TBC1D19: variants seen among roughly 807,000 people sequenced by gnomAD.
The protein encoded by TBC1D19 is TBC1 domain family, member 19.
In TBC1D19, 60 loss-of-function variants were observed where a neutral mutation model predicts 89.0. The ratio of observed to expected loss-of-function variants is 0.67; its 90% CI spans 0.55 to 0.84. The LOEUF (loss-of-function observed/expected upper bound fraction) is 0.84. Among genes scored for constraint, TBC1D19 ranks in the 40% least tolerant of loss-of-function variants. TBC1D19 has a pLI of 0.00. For synonymous variants in TBC1D19, 189 were observed against 199.7 expected (o/e 0.95, Z 0.45); for missense variants, 500 against 610.8 (o/e 0.82, Z 1.91).
At position 26,661,288 on chromosome 4, in the gene TBC1D19, C is replaced by T. The variant is rs1745209064; in HGVS notation, c.591+1581C>T. On this transcript the variant is annotated intron_variant, in intron 8 of 20. Transcript: ENST00000264866. ...AGTCTGCTGAATGGTGAGATTAATA[C>T]TCTCATTCTTAACACCACTACCCTA... Among the ~76,000 whole-genome samples, 4 of 152,116 alleles carry T rather than the reference C, an allele frequency of 2.6e-5. No homozygotes were observed. The South Asian group carries it at 8.3e-4, about 32-fold the overall frequency.
intron 15 of TBC1D19, among the ~76,000 whole-genome samples, chr4:26,721,514 T>C (rs926855035): frequency 2.0e-5 from 3 of 152,136 alleles, no homozygotes; most frequent in Non-Finnish European, 4.4e-5. Flanking sequence ...AGCTTGTTAA[T>C]TGCAACAACC....
At chr4:26,719,183 C>T (rs536287987) in intron 14 of TBC1D19, among the ~76,000 whole-genome samples, 248 of 152,128 alleles carry the variant, frequency 1.6e-3, no homozygotes, top group African/African-American at 5.8e-3. Flanking sequence ...TATATGTTTG[C>T]CTCTCAGCAT....
At chr4:26,816,754 A>C in the TBC1D19 span, among the ~76,000 whole-genome samples, 1 of 152,192 alleles carries the variant, frequency 6.6e-6, no homozygotes, top group Non-Finnish European at 1.5e-5. Flanking sequence ...CAAAAACCAC[A>C]ATTACTTTTG....
the TBC1D19 span, among the ~76,000 whole-genome samples, chr4:26,818,505 C>T: frequency 2.0e-5 from 3 of 152,204 alleles, no homozygotes; most frequent in Non-Finnish European, 4.4e-5. Flanking sequence ...GTCCGCCTGC[C>T]TTGGCCTCCC....
the TBC1D19 span, among the ~76,000 whole-genome samples, chr4:26,841,193 A>G: frequency 6.6e-6 from 1 of 152,182 alleles, no homozygotes; most frequent in Non-Finnish European, 1.5e-5. Flanking sequence ...CCTGGCCAAC[A>G]TGGAGAAACC....
At chr4:26,772,493 A>G in the TBC1D19 span, among the ~76,000 whole-genome samples, 9 of 151,932 alleles carry the variant, frequency 5.9e-5, no homozygotes, top group South Asian at 2.1e-4. Flanking sequence ...TCAGGGGTAC[A>G]TGTGCAGGAT....
chr4:26,835,427 TAA>T, the TBC1D19 span, among the ~76,000 whole-genome samples: 8 of 152,334 alleles, frequency 5.3e-5, no homozygotes, highest in South Asian at 1.7e-3. Flanking sequence ...GTTAAGTCAC[TAA>T]GTTTGTGATA....
intron 8 of TBC1D19, among the ~76,000 whole-genome samples, chr4:26,663,626 A>G (rs1711531693): frequency 6.6e-6 from 1 of 152,246 alleles, no homozygotes; most frequent in Non-Finnish European, 1.5e-5. Flanking sequence ...TTGGAGAACC[A>G]AAAGCTTGTA....
chr4:26,781,570 C>A, the TBC1D19 span, among the ~76,000 whole-genome samples: 1 of 152,136 alleles, frequency 6.6e-6, no homozygotes, highest in Non-Finnish European at 1.5e-5. Flanking sequence ...GATGTTAATA[C>A]CTTTTTAATT....
the TBC1D19 span, among the ~76,000 whole-genome samples, chr4:26,805,890 C>T: frequency 6.6e-6 from 1 of 152,078 alleles, no homozygotes; most frequent in Non-Finnish European, 1.5e-5. Context: ...ATCGGTTGAA[C>T]CTGGGAGGTG....
At chr4:26,654,144 T>G (rs1047046261) in intron 7 of TBC1D19, among the ~76,000 whole-genome samples, 43 of 152,168 alleles carry the variant, frequency 2.8e-4, no homozygotes, top group African/African-American at 9.9e-4. Flanking sequence ...GCTTAGTTTG[T>G]CTGGATATGA....
chr4:26,836,034 T>G, the TBC1D19 span, among the ~76,000 whole-genome samples: 1 of 151,934 alleles, frequency 6.6e-6, no homozygotes, highest in Non-Finnish European at 1.5e-5. Context: ...GGACATGATT[T>G]TGTTTCTATC....
At chr4:26,850,639 C>A in the TBC1D19 span, among the ~76,000 whole-genome samples, 1 of 150,768 alleles carries the variant, frequency 6.6e-6, no homozygotes, top group Non-Finnish European at 1.5e-5. Context: ...AGATGTTCAT[C>A]TACAAGCCCA....
At chr4:26,648,614 A>C (rs1744120711) in intron 7 of TBC1D19, among the ~76,000 whole-genome samples, 1 of 152,226 alleles carries the variant, frequency 6.6e-6, no homozygotes, top group African/African-American at 2.4e-5. Flanking sequence ...TGAAGGTTTC[A>C]CATTTTATCT....
chr4:26,628,361 G>T (rs1323471762), intron 4 of TBC1D19, among the ~76,000 whole-genome samples: 1 of 152,098 alleles, frequency 6.6e-6, no homozygotes, highest in African/African-American at 2.4e-5. Flanking sequence ...GATTGACTTG[G>T]CGATGCAGGC....
intron 4 of TBC1D19, among the ~76,000 whole-genome samples, chr4:26,627,370 A>G (rs541871257): frequency 6.6e-6 from 1 of 152,326 alleles, no homozygotes; most frequent in East Asian, 1.9e-4. Flanking sequence ...GTGTCTTTAT[A>G]GCAGCATGAT....
intron 7 of TBC1D19, among the ~76,000 whole-genome samples, chr4:26,649,091 G>A (rs1247431806): frequency 6.6e-6 from 1 of 151,370 alleles, no homozygotes; most frequent in Non-Finnish European, 1.5e-5. Context: ...CCTTATTTAT[G>A]TAATTAGGCT....
intron 4 of TBC1D19, among the ~76,000 whole-genome samples, chr4:26,634,130 C>T (rs1302080866): frequency 6.6e-6 from 1 of 151,414 alleles, no homozygotes; most frequent in Non-Finnish European, 1.5e-5. Flanking sequence ...ACAGCCATGG[C>T]TTCATGAATT....
chr4:26,668,986 TACACACACACACACACACAC>T (rs3839171), intron 9 of TBC1D19, among the ~76,000 whole-genome samples: 2 of 146,912 alleles, frequency 1.4e-5, no homozygotes, highest in East Asian at 4.0e-4. Flanking sequence ...TTTAAATACA[TACACACACACACACACACAC>T]ACACACACAC....
Sources: gnomAD v4.1 joint callset for allele counts (sites outside exome capture counted in the v4.1 genomes callset) on GRCh38, gnomAD v4.1.1 for gene constraint, MANE v1.5 for transcripts, NCBI Gene and HGNC (gene_info 2026-07-23, HGNC 2026-07-21) for gene names.